The following STPG2 variants were observed in gnomAD, a reference collection of about 807,000 sequenced individuals.
The protein encoded by STPG2 is sperm-tail PG-rich repeat-containing protein 2.
Under a neutral mutation model 54.2 loss-of-function variants are expected in STPG2, and 56 were observed. The observed-to-expected ratio is 1.03, with a 90% CI of 0.83 to 1.29. The LOEUF (loss-of-function observed/expected upper bound fraction) is 1.29, where lower values mean the gene tolerates loss of function less well. Ranked by LOEUF, STPG2 falls within the 50% of genes most tolerant of loss-of-function variation. The pLI, the probability that STPG2 is intolerant of heterozygous loss-of-function variation, is 0.00. For missense variants in STPG2, 596 were observed against 544.9 expected, an observed-to-expected ratio of 1.09 and a Z score of -0.93; for synonymous variants, 200 against 181.8, an observed-to-expected ratio of 1.10 and a Z score of -0.81.
chr4:98,023,829 G>A (rs867690936), intron 5 of STPG2, among the ~76,000 whole-genome samples: 8 of 152,308 alleles, frequency 5.3e-5, no homozygotes, highest in South Asian at 2.1e-4. Flanking sequence ...AGGACCCTCC[G>A]AGCCATGTGC....
chr4:98,086,762 A>C (rs1738530502), intron 5 of STPG2, among the ~76,000 whole-genome samples: 1 of 150,992 alleles, frequency 6.6e-6, no homozygotes, highest in East Asian at 1.9e-4. Context: ...TTTTGTTTAA[A>C]GTATAGTGCA....
intron 5 of STPG2, among the ~76,000 whole-genome samples, chr4:98,022,985 G>A (rs1448788718): frequency 3.3e-5 from 5 of 152,080 alleles, no homozygotes; most frequent in African/African-American, 4.8e-5. Context: ...GCTCGGAGTA[G>A]TTTGATCTTC....
chr4:97,913,734 T>A (rs1032019948), intron 8 of STPG2, among the ~76,000 whole-genome samples: 2 of 152,096 alleles, frequency 1.3e-5, no homozygotes, highest in African/African-American at 2.4e-5. Flanking sequence ...AATATCAGAA[T>A]CAATAGGTTT....
intron 8 of STPG2, among the ~76,000 whole-genome samples, chr4:97,922,402 G>A (rs1222552276): frequency 6.6e-6 from 1 of 152,036 alleles, no homozygotes; most frequent in African/African-American, 2.4e-5. Context: ...ATATTTAGAT[G>A]GCCTGACTAA....
chr4:97,645,017 G>C (rs753528479), intron 10 of STPG2, among the ~76,000 whole-genome samples: 2 of 152,028 alleles, frequency 1.3e-5, no homozygotes, highest in Non-Finnish European at 2.9e-5. Context: ...AAAGCTAAAG[G>C]AAGCTGAGAT....
At chr4:97,885,428 C>A (rs906287174) in intron 8 of STPG2, among the ~76,000 whole-genome samples, 9 of 152,214 alleles carry the variant, frequency 5.9e-5, no homozygotes, top group Admixed American at 3.9e-4. Flanking sequence ...AAACTCTTAC[C>A]TAAAGACAAA....
intron 9 of STPG2, among the ~76,000 whole-genome samples, chr4:97,762,809 A>G (rs561101228): frequency 1.3e-5 from 2 of 152,324 alleles, no homozygotes; most frequent in Admixed American, 6.5e-5. Context: ...ATGAAAAGAT[A>G]TTATTCCTAA....
At chr4:97,907,373 C>A (rs1470993753) in intron 8 of STPG2, among the ~76,000 whole-genome samples, 6 of 152,266 alleles carry the variant, frequency 3.9e-5, no homozygotes, top group Non-Finnish European at 5.9e-5. Flanking sequence ...AAAGAAGATA[C>A]AAACAAATGG....
intron 5 of STPG2, among the ~76,000 whole-genome samples, chr4:98,025,229 C>A (rs958735487): frequency 6.6e-6 from 1 of 152,120 alleles, no homozygotes; most frequent in Non-Finnish European, 1.5e-5. Context: ...AGTATCAAAC[C>A]TTTTTTACTT....
chr4:97,783,010 A>G (rs1423347543), intron 9 of STPG2, among the ~76,000 whole-genome samples: 2 of 152,200 alleles, frequency 1.3e-5, no homozygotes, highest in Non-Finnish European at 2.9e-5. Flanking sequence ...CATTCAGGAC[A>G]TAGGCATGGG....
intron 5 of STPG2, among the ~76,000 whole-genome samples, chr4:98,044,143 A>T (rs943929448): frequency 1.3e-5 from 2 of 152,152 alleles, no homozygotes; most frequent in African/African-American, 4.8e-5. Flanking sequence ...TGTTATGTAT[A>T]TATTAGCATA....
At chr4:98,007,840 T>A (rs931188147) in intron 5 of STPG2, among the ~76,000 whole-genome samples, 1 of 151,864 alleles carries the variant, frequency 6.6e-6, no homozygotes, top group African/African-American at 2.4e-5. Context: ...AAAACTTCCA[T>A]AATAGGCTAA....
At chr4:97,982,205 A>G (rs1734705009) in intron 5 of STPG2, among the ~76,000 whole-genome samples, 1 of 152,114 alleles carries the variant, frequency 6.6e-6, no homozygotes, top group South Asian at 2.1e-4. Flanking sequence ...TTCATTTGAA[A>G]AGAATTTCAA....
At chr4:97,740,685 A>G (rs1300668188) in intron 9 of STPG2, among the ~76,000 whole-genome samples, 1 of 152,192 alleles carries the variant, frequency 6.6e-6, no homozygotes, top group African/African-American at 2.4e-5. Flanking sequence ...AAGGAGAACT[A>G]CAAACCACTG....
At chr4:98,070,207 T>C (rs1243658538) in intron 5 of STPG2, among the ~76,000 whole-genome samples, 2 of 152,016 alleles carry the variant, frequency 1.3e-5, no homozygotes, top group Non-Finnish European at 2.9e-5. Context: ...GCAAGGTTAG[T>C]GCAACATACA....
intron 5 of STPG2, among the ~76,000 whole-genome samples, chr4:98,020,775 A>G (rs963627343): frequency 5.3e-5 from 8 of 152,112 alleles, no homozygotes; most frequent in Admixed American, 4.6e-4. Flanking sequence ...GAATTTATCC[A>G]TTTCTTCAAG....
intron 8 of STPG2, among the ~76,000 whole-genome samples, chr4:97,845,067 T>C (rs2149125297): frequency 6.6e-6 from 1 of 152,104 alleles, no homozygotes; most frequent in East Asian, 1.9e-4. Flanking sequence ...ATTGGCTCAC[T>C]GCTAGCATGT....
chr4:97,685,335 G>C lies in STPG2; in HGVS notation c.1320+27364C>G, dbSNP rs143507550. 3.9e-5 allele frequency among the ~76,000 whole-genome samples: 6 copies of C among 152,190 alleles called. No individual in the cohort carries two copies. The East Asian group carries it at 9.6e-4, about 24-fold the overall frequency. ...CCAAGATGTCCTTCAACAGGTGAATGGATAAACTATGGAACATCCACACAA... is the reference window on the plus strand; with the variant it reads ...CCAAGATGTCCTTCAACAGGTGAATCGATAAACTATGGAACATCCACACAA... On this transcript the variant is annotated intron_variant, in intron 10 of 10. Transcript: ENST00000295268.
chr4:97,682,035 T>G (rs985394203), intron 10 of STPG2, among the ~76,000 whole-genome samples: 2 of 151,818 alleles, frequency 1.3e-5, no homozygotes, highest in East Asian at 3.8e-4. Flanking sequence ...AAATCCCCAG[T>G]ATCTCTGTAA....
Sources: gnomAD v4.1 joint callset for allele counts (sites outside exome capture counted in the v4.1 genomes callset) on GRCh38, gnomAD v4.1.1 for gene constraint, MANE v1.5 for transcripts, NCBI Gene and HGNC (gene_info 2026-07-23, HGNC 2026-07-21) for gene names.